RAB40A: variants seen among roughly 807,000 people sequenced by gnomAD.
RAB40A encodes ras-related protein Rab-40A.
For missense variants in RAB40A, 145 were observed against 230.2 expected, an observed-to-expected ratio of 0.63 and a Z score of 2.40; for synonymous variants, 65 against 99.9, an observed-to-expected ratio of 0.65 and a Z score of 2.08.
intron 2 of RAB40A, 89 bp from the exon 3 acceptor site, chrX:103,500,915 CT>C (rs2147577087): frequency 1.0e-6 from 1 of 982,107 alleles, no homozygotes; most frequent in East Asian, 3.4e-5. Flanking sequence ...TGATGGATTT[CT>C]TTTACAAACC....
At position 103,515,568 on chromosome X, in the gene RAB40A, G is replaced by A. The variant is rs1051969646; in HGVS notation, c.-71+1806C>T. 1.0e-3 allele frequency among the ~76,000 whole-genome samples: 112 copies of A among 112,146 alleles called. 1 individual carries two copies. The highest frequency in any genetic ancestry group is 5.6e-3 in the Admixed American group (59 of 10,566). On this transcript the variant is annotated intron_variant, in intron 2 of 2. Coordinates refer to ENST00000304236, the MANE Select transcript of RAB40A (RefSeq NM_080879.3). The stretch of plus-strand genomic sequence containing the variant: ...TTTGCTCATTTCTCATAACACTCCT[G>A]TGAGGTAAATAGCAATATGCTAATT...
rs2073215876 is a variant in RAB40A, at chrX:103,500,249, G to C, written c.508C>G (p.Leu170Val). The change falls in exon 3 of 3, where the codon CTG becomes GTG. Residue 170 changes from leucine (L) to valine (V), a missense_variant. Coordinates refer to ENST00000304236, the MANE Select transcript of RAB40A (RefSeq NM_080879.3). ...NFNIIESFTE[L>V]ARIVLLRHRM... is the part of the protein sequence containing the mutation. ...TGCCGCAGCAGCACTATCCTGGCCA[G>C]CTCCGTGAAAGACTCTATGATGTTG... 1 of 1,210,200 alleles carries C rather than the reference G, an allele frequency of 8.3e-7. No individual in the cohort carries two copies. The highest frequency in any genetic ancestry group is 1.1e-6 in the Non-Finnish European group (1 of 895,246).
At chrX:103,494,045 C>T in the RAB40A span, among the ~76,000 whole-genome samples, 5 of 112,250 alleles carry the variant, frequency 4.5e-5, no homozygotes, top group African/African-American at 9.7e-5. Context: ...ACTTACATTC[C>T]TACCAACAGT....
chrX:103,516,402 A>C (rs1380211599), intron 2 of RAB40A, among the ~76,000 whole-genome samples: 1 of 111,919 alleles, frequency 8.9e-6, no homozygotes, highest in Non-Finnish European at 1.9e-5. Context: ...GCAGTGAGCC[A>C]CAGCTCCCAG....
chrX:103,494,348 G>C (rs747602961), downstream of RAB40A, among the ~76,000 whole-genome samples: 16 of 111,921 alleles, frequency 1.4e-4, no homozygotes, highest in Non-Finnish European at 3.0e-4. Context: ...TTGTCAAATG[G>C]GTAGTCTGCA....
chrX:103,498,994 G>T (rs2073203469), downstream of RAB40A: 1 of 111,716 alleles, frequency 9.0e-6, no homozygotes, highest in Non-Finnish European at 1.9e-5. Flanking sequence ...CAGGGGAAAT[G>T]ACTCACCTAA....
intron 2 of RAB40A, chrX:103,502,635 C>T: frequency 1.5e-6 from 1 of 660,732 alleles, no homozygotes; most frequent in South Asian, 7.9e-5. Context: ...CCCATGGGGC[C>T]ACAATAGCAG....
intron 2 of RAB40A, among the ~76,000 whole-genome samples, chrX:103,515,103 G>A (rs931205046): frequency 8.9e-6 from 1 of 111,952 alleles, no homozygotes; most frequent in African/African-American, 3.2e-5. Flanking sequence ...CTGAATAAGG[G>A]CTGTGTCCAG....
intron 1 of RAB40A, among the ~76,000 whole-genome samples, chrX:103,518,660 T>C (rs1197793858): frequency 9.0e-6 from 1 of 111,539 alleles, no homozygotes; most frequent in Non-Finnish European, 1.9e-5. Context: ...TATAAAAACT[T>C]CTACAGCTCA....
chrX:103,493,395 C>G, the RAB40A span, among the ~76,000 whole-genome samples: 1 of 111,132 alleles, frequency 9.0e-6, no homozygotes, highest in Admixed American at 9.5e-5. Context: ...AATTAGGTAT[C>G]CATCCCCTCA....
rs1240228395 is a variant in RAB40A at position 103,500,186 on chromosome X, T to C, written c.571A>G (p.Ser191Gly). Residue 191 changes from serine to glycine, a missense_variant, in exon 3 of 3, where the codon AGC becomes GGC. Transcript: ENST00000304236. The part of the protein sequence containing the change: ...NWLGRPSKVL[S>G]LQDLCCRTIV... The stretch of plus-strand genomic sequence containing the variant: ...GTGCGGCAGCAGAGGTCTTGCAAGC[T>C]CAGTACCTTGCTCGGCCTCCCGAGC... 16 of 1,210,191 alleles carry C rather than the reference T, an allele frequency of 1.3e-5. No individual in the cohort carries two copies. The highest frequency in any genetic ancestry group is 1.7e-5 in the Non-Finnish European group (15 of 895,134).
chrX:103,507,691 T>A (rs775339452), intron 2 of RAB40A, among the ~76,000 whole-genome samples: 1 of 112,537 alleles, frequency 8.9e-6, no homozygotes, highest in Non-Finnish European at 1.9e-5. Context: ...TTTCCTGATT[T>A]GAATAATTAT....
chrX:103,498,469 T>G (rs1052065128), downstream of RAB40A, among the ~76,000 whole-genome samples: 1 of 112,913 alleles, frequency 8.9e-6, no homozygotes, highest in African/African-American at 3.2e-5. Context: ...CTTGGTTATG[T>G]TGTGATGTGC....
At position 103,500,682 on chromosome X, in the gene RAB40A, T is replaced by G; in HGVS notation, c.75A>C (p.Val25=). Residue 25 remains valine (V), a synonymous_variant, in exon 3 of 3, where the codon GTA becomes GTC. Coordinates refer to ENST00000304236, the MANE Select transcript of RAB40A (RefSeq NM_080879.3). ...GGCTCTCCAGGATCTCACTCTTGCC[T>G]ACGTCCCTGTCGCCCACCAGCAGGA... ...LKFLLVGDRD[V]GKSEILESLQ... is the part of the protein sequence containing the mutation. 1 of 1,210,687 alleles carries G rather than the reference T, an allele frequency of 8.3e-7. No individual in the cohort carries two copies. The highest frequency in any genetic ancestry group is 1.1e-6 in the Non-Finnish European group (1 of 895,279).
At chrX:103,510,141 C>T (rs1271784009) in intron 2 of RAB40A, among the ~76,000 whole-genome samples, 1 of 112,163 alleles carries the variant, frequency 8.9e-6, no homozygotes, top group Non-Finnish European at 1.9e-5. Context: ...AATATCCTTG[C>T]TTGTCCAGTT....
chrX:103,502,828 C>T, intron 2 of RAB40A: 4 of 754,120 alleles, frequency 5.3e-6, no homozygotes, highest in Non-Finnish European at 6.4e-6. Context: ...CTGTATCATC[C>T]TTACCGAGCT....
At chrX:103,511,264 C>T (rs758511023) in intron 2 of RAB40A, among the ~76,000 whole-genome samples, 89 of 110,341 alleles carry the variant, frequency 8.1e-4, no homozygotes, top group Non-Finnish European at 1.2e-3. Context: ...TTTGGGAGGC[C>T]GAGGCGGGCA....
intron 2 of RAB40A, among the ~76,000 whole-genome samples, chrX:103,507,950 G>T (rs917385184): frequency 9.0e-6 from 1 of 111,640 alleles, no homozygotes; most frequent in Non-Finnish European, 1.9e-5. Flanking sequence ...AGGTCTGCAG[G>T]TTTTTGTATT....
At chrX:103,507,597 C>A (rs773209993) in intron 2 of RAB40A, among the ~76,000 whole-genome samples, 1 of 107,681 alleles carries the variant, frequency 9.3e-6, no homozygotes, top group Admixed American at 9.6e-5. Context: ...TGAAAAAAAA[C>A]CCTTAAGTAA....
Sources: allele counts gnomAD v4.1 joint callset (sites outside exome capture counted in the v4.1 genomes callset), GRCh38; gene constraint gnomAD v4.1.1; transcripts MANE v1.5; gene names NCBI Gene and HGNC (gene_info 2026-07-23, HGNC 2026-07-21).